Variants in PDE1A observed in about 807,000 individuals in gnomAD.
PDE1A encodes the protein phosphodiesterase 1A.
In PDE1A, 35 loss-of-function variants were observed where a neutral mutation model predicts 61.7. The ratio of observed to expected loss-of-function variants is 0.57; its 90% confidence interval spans 0.43 to 0.75. The LOEUF (loss-of-function observed/expected upper bound fraction) is 0.75, where lower values mean the gene tolerates loss of function less well. Among genes scored for constraint, PDE1A ranks in the 30% least tolerant of loss-of-function variants. The pLI is 0.00. For synonymous variants in PDE1A, 232 were observed against 213.2 expected (o/e 1.09, Z -0.77); for missense variants, 597 against 630.6 (o/e 0.95, Z 0.57).
intron 2 of PDE1A, among the ~76,000 whole-genome samples, chr2:182,247,606 C>T (rs558703375): frequency 1.2e-4 from 19 of 152,306 alleles, no homozygotes; most frequent in African/African-American, 4.3e-4. Flanking sequence ...TCAACATGAG[C>T]AGCTCCTCAA....
intron 2 of PDE1A, among the ~76,000 whole-genome samples, chr2:182,461,889 T>C (rs4666585): frequency 0.18 from 27,797 of 151,994 alleles, 3,078 homozygotes; most frequent in Middle Eastern, 0.35. Context: ...ACAAATCCAG[T>C]AGAAGAAAGA....
intron 1 of PDE1A, among the ~76,000 whole-genome samples, chr2:182,394,649 A>G (rs1701602855): frequency 6.6e-6 from 1 of 152,008 alleles, no homozygotes; most frequent in South Asian, 2.1e-4. Flanking sequence ...ATGTCAGGTA[A>G]TTAATGGATT....
chr2:182,676,408 T>C, the PDE1A span, among the ~76,000 whole-genome samples: 1 of 150,986 alleles, frequency 6.6e-6, no homozygotes, highest in African/African-American at 2.4e-5. Context: ...GCTCTGAAAT[T>C]GAATCAGTAA....
At chr2:182,617,709 G>A in the PDE1A span, among the ~76,000 whole-genome samples, 2 of 152,174 alleles carry the variant, frequency 1.3e-5, 1 homozygote, top group Admixed American at 1.3e-4. Context: ...AGTCATAGCA[G>A]CATCCTCTCA....
the PDE1A span, among the ~76,000 whole-genome samples, chr2:182,668,842 ACTCT>A: frequency 3.3e-5 from 5 of 150,756 alleles, no homozygotes; most frequent in Admixed American, 6.6e-5. Flanking sequence ...CAGCAGCTTT[ACTCT>A]CTCTCTCTCT....
the PDE1A span, among the ~76,000 whole-genome samples, chr2:182,711,427 G>A: frequency 6.6e-6 from 1 of 152,134 alleles, no homozygotes; most frequent in Non-Finnish European, 1.5e-5. Context: ...AAATATTGGT[G>A]TAAACTCACA....
At chr2:182,170,593 A>C (rs1559133566) in intron 13 of PDE1A, among the ~76,000 whole-genome samples, 1 of 151,980 alleles carries the variant, frequency 6.6e-6, no homozygotes, top group Non-Finnish European at 1.5e-5. Flanking sequence ...GAAATGAGAA[A>C]GTTAGATTCA....
chr2:182,242,885 T>TCTCTCTCTCC lies in PDE1A; in HGVS notation c.168-2594_168-2593insGGAGAGAGAG, dbSNP rs1237388632. On this transcript the variant is annotated intron_variant, in intron 2 of 13. Coordinates refer to ENST00000351439, the Ensembl canonical transcript of PDE1A. ...TCTCTCTCCTCTCTCCTCTCCTCCC[T>TCTCTCTCTCC]CTCTCTCTCTCTCCCTCTCTCTCTC... 5.1e-3 allele frequency among the ~76,000 whole-genome samples: 366 copies of TCTCTCTCTCC among 71,394 alleles called. 8 individuals are homozygous for TCTCTCTCTCC. The East Asian group carries it at 0.061, about 12-fold the overall frequency. The allele number at this position is 71,394 out of a possible 152,430, so 46.8% of individuals were successfully genotyped here.
At chr2:182,142,598 A>T (rs956252203), downstream of PDE1A, 1 of 152,198 alleles carries the variant, frequency 6.6e-6, no homozygotes, top group Admixed American at 6.5e-5. Flanking sequence ...CAACAAAAAA[A>T]ATTTTTCAAT....
the PDE1A span, among the ~76,000 whole-genome samples, chr2:182,657,546 A>G: frequency 8.3e-4 from 126 of 152,310 alleles, no homozygotes; most frequent in Middle Eastern, 3.4e-3. Flanking sequence ...CCTTTCACTA[A>G]TCCATGCCCA....
chr2:182,234,448 A>G, exon 4 of PDE1A: 1 of 1,605,992 alleles, frequency 6.2e-7, no homozygotes, highest in African/African-American at 1.3e-5. Context: ...TGTTACGATG[A>G]CAGCTGCTGG....
chr2:182,293,354 T>TA (rs1396094681), intron 1 of PDE1A, among the ~76,000 whole-genome samples: 4 of 152,084 alleles, frequency 2.6e-5, no homozygotes, highest in Non-Finnish European at 4.4e-5. Flanking sequence ...GCTTTGATTT[T>TA]AAAAAAAATC....
chr2:182,361,990 C>T (rs1238963273), intron 1 of PDE1A, among the ~76,000 whole-genome samples: 2 of 151,960 alleles, frequency 1.3e-5, no homozygotes, highest in African/African-American at 2.4e-5. Context: ...CCCACAGAAT[C>T]GTTACTATCC....
intron 1 of PDE1A, among the ~76,000 whole-genome samples, chr2:182,342,946 G>A (rs1288492274): frequency 1.3e-5 from 2 of 152,184 alleles, no homozygotes; most frequent in Non-Finnish European, 2.9e-5. Context: ...AGGATAAGGT[G>A]AATATACAAT....
chr2:182,649,607 CAAAA>C, the PDE1A span, among the ~76,000 whole-genome samples: 1 of 113,084 alleles, frequency 8.8e-6, no homozygotes. Flanking sequence ...CCACTCTATA[CAAAA>C]AAAAAAAAAA....
intron 2 of PDE1A, among the ~76,000 whole-genome samples, chr2:182,250,554 T>C (rs1691319457): frequency 2.0e-5 from 3 of 149,414 alleles, no homozygotes; most frequent in Admixed American, 6.6e-5. Flanking sequence ...TTTATCTCAA[T>C]AGCTTTTTTT....
At chr2:182,207,329 T>C (rs951539828) in intron 7 of PDE1A, among the ~76,000 whole-genome samples, 1 of 152,186 alleles carries the variant, frequency 6.6e-6, no homozygotes, top group Non-Finnish European at 1.5e-5. Context: ...TGAGTACTTA[T>C]TTGAGTAAAA....
chr2:182,700,750 A>AAAAAAAAAAAAC, the PDE1A span, among the ~76,000 whole-genome samples: 6 of 144,780 alleles, frequency 4.1e-5, no homozygotes, highest in African/African-American at 1.5e-4. Flanking sequence ...ACAGAAAGAA[A>AAAAAAAAAAAAC]AGAAAAAGAA....
chr2:182,359,408 A>G (rs936527307), intron 1 of PDE1A, among the ~76,000 whole-genome samples: 4 of 152,160 alleles, frequency 2.6e-5, no homozygotes, highest in Admixed American at 2.6e-4. Context: ...GCGACTTTAT[A>G]ACGTAAAACT....
Sources: allele counts gnomAD v4.1 joint callset (sites outside exome capture counted in the v4.1 genomes callset), GRCh38; gene constraint gnomAD v4.1.1; transcripts MANE v1.5; gene names NCBI Gene and HGNC (gene_info 2026-07-23, HGNC 2026-07-21).